The following MARCHF1 variants were observed in gnomAD, a reference collection of about 807,000 sequenced individuals.
MARCHF1 encodes membrane associated ring-CH-type finger 1.
MARCHF1 carries 40 observed loss-of-function variants against 54.2 expected under a neutral mutation model. That is an observed-to-expected ratio of 0.74 (90% CI 0.57 to 0.96). The LOEUF (loss-of-function observed/expected upper bound fraction) is 0.96. Among genes scored for constraint, MARCHF1 ranks in the 40% least tolerant of loss-of-function variants. The pLI is 0.00. For synonymous variants in MARCHF1, 236 were observed against 236.3 expected, an observed-to-expected ratio of 1.00 and a Z score of 0.01; for missense variants, 586 against 656.5, an observed-to-expected ratio of 0.89 and a Z score of 1.17.
At chr4:163,880,917 G>A (rs1750401843) in intron 3 of MARCHF1, among the ~76,000 whole-genome samples, 2 of 151,992 alleles carry the variant, frequency 1.3e-5, no homozygotes, top group African/African-American at 2.4e-5. Context: ...CAGGGATTGC[G>A]TTCATACCCA....
At chr4:163,859,606 C>A (rs892619982) in intron 3 of MARCHF1, among the ~76,000 whole-genome samples, 2 of 152,126 alleles carry the variant, frequency 1.3e-5, no homozygotes, top group African/African-American at 4.8e-5. Flanking sequence ...GGTGATCCAC[C>A]TGCTTCGGCC....
intron 4 of MARCHF1, among the ~76,000 whole-genome samples, chr4:163,701,414 A>G (rs1182548039): frequency 2.0e-5 from 3 of 152,160 alleles, no homozygotes; most frequent in Non-Finnish European, 4.4e-5. Context: ...TTAAAACTTA[A>G]AACTTTTATA....
chr4:164,090,717 C>G (rs1392930518), intron 2 of MARCHF1, among the ~76,000 whole-genome samples: 1 of 151,934 alleles, frequency 6.6e-6, no homozygotes, highest in Admixed American at 6.6e-5. Flanking sequence ...AGATAAGAAT[C>G]TTATCATCAG....
At position 164,066,506 on chromosome 4, in the gene MARCHF1, C is replaced by T. The variant is rs905412118; in HGVS notation, c.-248+45082G>A. Among the ~76,000 whole-genome samples the T allele has an allele frequency of 2.0e-5, 3 of 152,120 alleles. No individual in the cohort carries two copies. The East Asian group carries it at 5.8e-4, about 29-fold the overall frequency. ...CAGAAATACCATTCAACCCAGAAATCTAATTACTGGGTATATACCCACAGG... is the reference window on the plus strand; with the variant it reads ...CAGAAATACCATTCAACCCAGAAATTTAATTACTGGGTATATACCCACAGG... On this transcript the variant is annotated intron_variant, in intron 2 of 9. Coordinates refer to ENST00000514618, the MANE Select transcript of MARCHF1 (RefSeq NM_001394959.1).
chr4:163,944,823 A>G (rs1751993468), intron 3 of MARCHF1, among the ~76,000 whole-genome samples: 1 of 152,184 alleles, frequency 6.6e-6, no homozygotes, highest in Non-Finnish European at 1.5e-5. Flanking sequence ...GTCCACAGAT[A>G]TCCATGACAA....
At chr4:163,830,152 C>T (rs1456998541) in intron 4 of MARCHF1, among the ~76,000 whole-genome samples, 2 of 151,834 alleles carry the variant, frequency 1.3e-5, no homozygotes, top group African/African-American at 4.8e-5. Context: ...TCTGCTTTAG[C>T]GTTTGAAGAA....
intron 3 of MARCHF1, among the ~76,000 whole-genome samples, chr4:163,953,850 C>T (rs1187990518): frequency 6.6e-6 from 1 of 152,154 alleles, no homozygotes; most frequent in East Asian, 1.9e-4. Flanking sequence ...GCTTTGGCTG[C>T]ATTTTTCTTA....
chr4:163,661,245 A>G (rs1045595857), intron 5 of MARCHF1, among the ~76,000 whole-genome samples: 1 of 152,020 alleles, frequency 6.6e-6, no homozygotes, highest in Non-Finnish European at 1.5e-5. Context: ...TTAATTTTCT[A>G]TGATCTTCCC....
intron 3 of MARCHF1, among the ~76,000 whole-genome samples, chr4:163,868,978 T>C (rs1465030369): frequency 6.6e-6 from 1 of 150,494 alleles, no homozygotes. Context: ...CTATTTTCAC[T>C]AATATTTAAT....
chr4:163,912,244 T>A (rs1452559203), intron 3 of MARCHF1, among the ~76,000 whole-genome samples: 1 of 152,084 alleles, frequency 6.6e-6, no homozygotes, highest in Non-Finnish European at 1.5e-5. Context: ...GGCTGGATAA[T>A]GTAATTAGTA....
intron 2 of MARCHF1, among the ~76,000 whole-genome samples, chr4:164,037,243 G>A (rs1754025274): frequency 6.6e-6 from 1 of 152,102 alleles, no homozygotes; most frequent in Non-Finnish European, 1.5e-5. Context: ...AGGGGTCTGG[G>A]CTGGAGATGA....
chr4:164,061,296 T>A (rs1182522735), intron 2 of MARCHF1, among the ~76,000 whole-genome samples: 1 of 152,066 alleles, frequency 6.6e-6, no homozygotes, highest in Non-Finnish European at 1.5e-5. Flanking sequence ...TGCTTCTGAA[T>A]TACAGCTTTC....
intron 2 of MARCHF1, among the ~76,000 whole-genome samples, chr4:164,056,013 T>G (rs1010397913): frequency 6.6e-6 from 1 of 152,244 alleles, no homozygotes; most frequent in African/African-American, 2.4e-5. Context: ...TCTAAGTGTC[T>G]ATAAATATTT....
At chr4:164,044,626 G>C (rs1022287347) in intron 2 of MARCHF1, among the ~76,000 whole-genome samples, 1 of 152,058 alleles carries the variant, frequency 6.6e-6, no homozygotes, top group Non-Finnish European at 1.5e-5. Context: ...GGGAGCAGGT[G>C]GTGGATGACT....
chr4:163,917,675 T>C (rs927523057), intron 3 of MARCHF1, among the ~76,000 whole-genome samples: 34 of 152,184 alleles, frequency 2.2e-4, no homozygotes, highest in Non-Finnish European at 7.4e-5. Flanking sequence ...GTTTGTTACA[T>C]AGCTAAATAT....
chr4:164,243,940 G>A (rs1732856907), intron 1 of MARCHF1, among the ~76,000 whole-genome samples: 1 of 152,090 alleles, frequency 6.6e-6, no homozygotes, highest in Non-Finnish European at 1.5e-5. Context: ...CAATACAGGA[G>A]CACCCAGATT....
At chr4:163,979,679 A>C (rs963245993) in intron 3 of MARCHF1, among the ~76,000 whole-genome samples, 8 of 151,862 alleles carry the variant, frequency 5.3e-5, no homozygotes, top group African/African-American at 1.9e-4. Context: ...CCTCTCCAGC[A>C]CCTGTTGTTT....
intron 1 of MARCHF1, among the ~76,000 whole-genome samples, chr4:164,182,447 T>G (rs1373502468): frequency 6.6e-6 from 1 of 151,952 alleles, no homozygotes; most frequent in Admixed American, 6.6e-5. Flanking sequence ...GGCATATTAG[T>G]AAGTAAAAAA....
intron 4 of MARCHF1, among the ~76,000 whole-genome samples, chr4:163,762,449 T>G (rs1046514140): frequency 6.6e-6 from 1 of 152,150 alleles, no homozygotes; most frequent in Non-Finnish European, 1.5e-5. Context: ...AGTTGGATAT[T>G]TAAGGCAAAA....
Sources: allele counts gnomAD v4.1 joint callset (sites outside exome capture counted in the v4.1 genomes callset), GRCh38; gene constraint gnomAD v4.1.1; transcripts MANE v1.5; gene names NCBI Gene and HGNC (gene_info 2026-07-23, HGNC 2026-07-21).